The following PSMG2 variants were observed in gnomAD, a reference collection of about 807,000 sequenced individuals.
The protein encoded by PSMG2 is CD40 ligand-activated specific transcript 3.
A neutral mutation model predicts 31.5 loss-of-function variants in PSMG2; 21 were observed. That is an observed-to-expected ratio of 0.67 (90% CI 0.47 to 0.96). PSMG2 has a LOEUF of 0.96. PSMG2 is among the 40% of genes least tolerant of loss of function. The pLI is 0.00. For missense variants in PSMG2, 318 were observed against 321.2 expected (o/e 0.99, Z 0.08); for synonymous variants, 120 against 110.4 (o/e 1.09, Z -0.54).
intron 1 of PSMG2, among the ~76,000 whole-genome samples, chr18:12,664,209 G>A (rs1193349702): frequency 3.3e-5 from 5 of 151,888 alleles, no homozygotes; most frequent in Non-Finnish European, 5.9e-5. Flanking sequence ...TGAATGGGCC[G>A]GGACTACAGG....
intron 5 of PSMG2, 72 bp downstream of exon 5, chr18:12,720,755 G>T: frequency 1.4e-6 from 2 of 1,436,078 alleles, no homozygotes; most frequent in South Asian, 2.7e-5. Flanking sequence ...AGCTGAGATC[G>T]TGCCACTGCA....
At chr18:12,724,721 T>C in intron 6 of PSMG2, 102 bp downstream of exon 6, 1 of 1,191,086 alleles carries the variant, frequency 8.4e-7, no homozygotes, top group East Asian at 2.9e-5. Flanking sequence ...ACGTTTGTAT[T>C]AAATATAGAC....
intron 1 of PSMG2, among the ~76,000 whole-genome samples, chr18:12,672,270 G>A (rs1330201052): frequency 2.6e-5 from 4 of 151,390 alleles, no homozygotes; most frequent in South Asian, 2.1e-4. Flanking sequence ...GTGAGCCACC[G>A]CACCCGGCCT....
At chr18:12,705,396 T>A (rs1274765264) in intron 1 of PSMG2, among the ~76,000 whole-genome samples, 1 of 151,814 alleles carries the variant, frequency 6.6e-6, no homozygotes, top group Non-Finnish European at 1.5e-5. Context: ...TGGGGAAAAA[T>A]TTGGGCAAAA....
At chr18:12,686,544 C>T (rs2039546331) in intron 1 of PSMG2, 3 of 932,406 alleles carry the variant, frequency 3.2e-6, no homozygotes, top group Middle Eastern at 3.0e-4. Flanking sequence ...AATAATTCAG[C>T]ATACCATTGA....
rs748583056 is a variant in PSMG2, at chr18:12,720,533, C to T, written c.431C>T (p.Thr144Ile). 2 of 1,609,936 alleles carry T rather than the reference C, an allele frequency of 1.2e-6. No individual in the cohort carries two copies. Among genetic ancestry groups the T allele is most frequent in the Admixed American group, 1.7e-5 (1 of 58,918 alleles). Residue 144 changes from threonine (T) to isoleucine (I), a missense_variant, in exon 5 of 7, where the codon ACA (threonine) becomes ATA (isoleucine). Transcript: ENST00000317615. ...AGTACTCCCTTCCGGTACCTACTTACACCTTCCATGCAAAAAAGTGTTCAA... is the reference window on the plus strand; with the variant it reads ...AGTACTCCCTTCCGGTACCTACTTATACCTTCCATGCAAAAAAGTGTTCAA... ...LRSTPFRYLL[T>I]PSMQKSVQNK...
intron 5 of PSMG2, 165 bp from the exon 6 acceptor site, chr18:12,724,334 T>C (rs2145154452): frequency 4.7e-6 from 3 of 644,216 alleles, no homozygotes; most frequent in Non-Finnish European, 7.3e-6. Flanking sequence ...CTCTCACAAG[T>C]AGAAAACTCT....
At chr18:12,698,860 CA>C, upstream of PSMG2, 1 of 715,344 alleles carries the variant, frequency 1.4e-6, no homozygotes, top group East Asian at 2.7e-5. Context: ...CAGTGGGAAA[CA>C]AAATAGAGAT....
chr18:12,721,145 A>G lies in PSMG2; in HGVS notation c.581+462A>G, dbSNP rs539097083. ...CAGTGAGCCGAGATCGCGCCACTGC[A>G]CTCCAGCCTGGGAGACAGCAAGACT... On this transcript the variant is annotated intron_variant, in intron 5 of 6. Transcript: ENST00000317615. 4.7e-4 allele frequency among the ~76,000 whole-genome samples: 71 copies of G among 152,184 alleles called. No homozygotes were observed. In the South Asian group the frequency reaches 6.2e-3, roughly 13 times the overall value.
At chr18:12,718,199 G>A (rs1211500924) in intron 3 of PSMG2, among the ~76,000 whole-genome samples, 2 of 151,518 alleles carry the variant, frequency 1.3e-5, no homozygotes, top group Non-Finnish European at 2.9e-5. Flanking sequence ...AGTAGAGATG[G>A]GGTTTTACCA....
intron 1 of PSMG2, among the ~76,000 whole-genome samples, chr18:12,664,700 T>TC: frequency 6.9e-6 from 1 of 143,904 alleles, no homozygotes; most frequent in East Asian, 2.0e-4. Flanking sequence ...GTCCTGATCT[T>TC]TTTTTTTTTT....
chr18:12,723,083 CAGAAACTAAAGTT>C (rs2040445641), intron 5 of PSMG2, among the ~76,000 whole-genome samples: 1 of 152,220 alleles, frequency 6.6e-6, no homozygotes, highest in African/African-American at 2.4e-5. Context: ...TTTTTAGAGA[CAGAAACTAAAGTT>C]AGCCTGGTAT....
intron 1 of PSMG2, among the ~76,000 whole-genome samples, chr18:12,673,784 G>A (rs2144978113): frequency 6.6e-6 from 1 of 152,312 alleles, no homozygotes; most frequent in Admixed American, 6.5e-5. Flanking sequence ...GGGAGGCTGA[G>A]GCAGGAGAAT....
upstream of PSMG2, chr18:12,700,852 A>T: frequency 1.3e-6 from 1 of 794,434 alleles, no homozygotes; most frequent in Non-Finnish European, 2.0e-6. Flanking sequence ...ATGACCTTGA[A>T]GTGGTTTTAC....
At chr18:12,671,797 T>C (rs1316889986) in intron 1 of PSMG2, among the ~76,000 whole-genome samples, 1 of 152,024 alleles carries the variant, frequency 6.6e-6, no homozygotes, top group East Asian at 1.9e-4. Context: ...TGTGACACCA[T>C]GCCTAGCTAC....
chr18:12,686,327 C>T lies in PSMG2; in HGVS notation c.-36-20223C>T, dbSNP rs1237479781. Reference sequence around the variant, plus strand: ...TCCTGTTTACCTCCTCCTCCAATAACAGGGGCTCGTTCATAACCAAGGACA... The same window carrying T: ...TCCTGTTTACCTCCTCCTCCAATAATAGGGGCTCGTTCATAACCAAGGACA... On this transcript the variant is annotated intron_variant, in intron 1 of 6. Coordinates refer to the PSMG2 transcript ENST00000585331. The T allele has an allele frequency of 3.7e-6, 6 of 1,614,020 alleles. No homozygotes were observed. The African/African-American group carries it at 6.7e-5, about 18-fold the overall frequency.
intron 5 of PSMG2, among the ~76,000 whole-genome samples, chr18:12,723,304 T>C (rs2040447756): frequency 6.6e-6 from 1 of 152,136 alleles, no homozygotes; most frequent in South Asian, 2.1e-4. Context: ...AGGAAACTTT[T>C]TGCCTTGGTG....
intron 3 of PSMG2, among the ~76,000 whole-genome samples, chr18:12,715,718 C>G (rs2040370144): frequency 6.6e-6 from 1 of 152,176 alleles, no homozygotes; most frequent in South Asian, 2.1e-4. Flanking sequence ...GTTGGCTAGG[C>G]TGGTCTCACA....
At chr18:12,712,835 C>A in intron 3 of PSMG2, 75 bp downstream of exon 3, 3 of 1,137,708 alleles carry the variant, frequency 2.6e-6, no homozygotes, top group South Asian at 1.3e-5. Context: ...GATTAAGATT[C>A]AAAAATTACT....
Sources: gnomAD v4.1 joint callset for allele counts (sites outside exome capture counted in the v4.1 genomes callset) on GRCh38, gnomAD v4.1.1 for gene constraint, MANE v1.5 for transcripts, NCBI Gene and HGNC (gene_info 2026-07-23, HGNC 2026-07-21) for gene names.